Variants in LYPLAL1 observed in about 807,000 individuals in gnomAD.
LYPLAL1 encodes the protein lysophospholipase like 1.
Under a neutral mutation model 19.7 loss-of-function variants are expected in LYPLAL1, and 23 were observed. The ratio of observed to expected loss-of-function variants is 1.17; its 90% CI spans 0.84 to 1.65. The LOEUF (loss-of-function observed/expected upper bound fraction) is 1.65, where lower values mean the gene tolerates loss of function less well. Among genes scored for constraint, LYPLAL1 ranks in the 40% most tolerant of loss-of-function variants. The pLI, the probability that LYPLAL1 is intolerant of heterozygous loss-of-function variation, is 0.00. For synonymous variants in LYPLAL1, 119 were observed against 96.3 expected (o/e 1.24, Z -1.38); for missense variants, 355 against 279.4 (o/e 1.27, Z -1.93).
the LYPLAL1 span, among the ~76,000 whole-genome samples, chr1:219,311,285 C>T: frequency 6.6e-6 from 1 of 152,112 alleles, no homozygotes; most frequent in Admixed American, 6.6e-5. Flanking sequence ...GCAGCAATAT[C>T]ACCTGAAAAA....
the LYPLAL1 span, among the ~76,000 whole-genome samples, chr1:219,413,504 G>A: frequency 6.6e-6 from 1 of 151,844 alleles, no homozygotes; most frequent in Non-Finnish European, 1.5e-5. Context: ...GTAGGGAAAG[G>A]GAAATTCCTA....
At chr1:219,361,795 C>T in the LYPLAL1 span, among the ~76,000 whole-genome samples, 2 of 152,110 alleles carry the variant, frequency 1.3e-5, no homozygotes, top group African/African-American at 2.4e-5. Flanking sequence ...GGTAAAAGAA[C>T]TTGAGTCTTA....
the LYPLAL1 span, among the ~76,000 whole-genome samples, chr1:219,239,484 AT>A: frequency 6.6e-6 from 1 of 152,146 alleles, no homozygotes; most frequent in Non-Finnish European, 1.5e-5. Context: ...TGACAATGAA[AT>A]TTTCTTTATG....
chr1:219,262,791 G>A, the LYPLAL1 span, among the ~76,000 whole-genome samples: 5 of 152,170 alleles, frequency 3.3e-5, no homozygotes, highest in Admixed American at 1.3e-4. Flanking sequence ...TATGTTTAGC[G>A]TTTTGGTTTT....
At chr1:219,189,864 T>G (rs1211010158) in intron 2 of LYPLAL1, among the ~76,000 whole-genome samples, 2 of 151,656 alleles carry the variant, frequency 1.3e-5, no homozygotes, top group African/African-American at 4.8e-5. Context: ...AATTTTTTGA[T>G]AAATTTATTG....
At chr1:219,410,226 C>T in the LYPLAL1 span, 1 of 152,200 alleles carries the variant, frequency 6.6e-6, no homozygotes, top group Admixed American at 6.5e-5. Flanking sequence ...CATACATCTT[C>T]ACTGGAAAAT....
intron 3 of LYPLAL1, among the ~76,000 whole-genome samples, chr1:219,202,879 GTCTC>G (rs1658234651): frequency 1.3e-5 from 2 of 151,692 alleles, no homozygotes; most frequent in Non-Finnish European, 2.9e-5. Context: ...TAGAGATGGA[GTCTC>G]TCTATGTTGC....
At chr1:219,228,441 C>T in the LYPLAL1 span, among the ~76,000 whole-genome samples, 8 of 152,024 alleles carry the variant, frequency 5.3e-5, no homozygotes, top group Non-Finnish European at 1.2e-4. Flanking sequence ...GGAATTCCTG[C>T]GGCAATCTCC....
chr1:219,257,142 C>T, the LYPLAL1 span, among the ~76,000 whole-genome samples: 70,640 of 151,636 alleles, frequency 0.47, 16,814 homozygotes, highest in East Asian at 0.66. Context: ...TTGTAAAAAA[C>T]TGTGTTAAAG....
the LYPLAL1 span, among the ~76,000 whole-genome samples, chr1:219,258,561 C>T: frequency 6.6e-6 from 1 of 152,022 alleles, no homozygotes; most frequent in South Asian, 2.1e-4. Context: ...TAAATTTCAA[C>T]AATTCAAAAA....
the LYPLAL1 span, among the ~76,000 whole-genome samples, chr1:219,402,239 A>G: frequency 6.6e-6 from 1 of 152,180 alleles, no homozygotes; most frequent in Non-Finnish European, 1.5e-5. Flanking sequence ...TCATTGCTAT[A>G]AAAATCATTT....
chr1:219,207,645 A>G (rs1658678023), intron 3 of LYPLAL1, among the ~76,000 whole-genome samples: 1 of 152,058 alleles, frequency 6.6e-6, no homozygotes, highest in Non-Finnish European at 1.5e-5. Context: ...TGATGAATAA[A>G]ACACAAAAAT....
chr1:219,184,291 G>T (rs1485623512), intron 2 of LYPLAL1, among the ~76,000 whole-genome samples: 2 of 151,832 alleles, frequency 1.3e-5, no homozygotes, highest in Non-Finnish European at 2.9e-5. Context: ...TCATGTTATT[G>T]TAAATGGAAT....
At chr1:219,338,845 G>A in the LYPLAL1 span, among the ~76,000 whole-genome samples, 3 of 151,422 alleles carry the variant, frequency 2.0e-5, no homozygotes, top group Non-Finnish European at 4.4e-5. Context: ...TGAATTAAGT[G>A]CCATCATGGA....
chr1:219,410,814 G>T, the LYPLAL1 span, among the ~76,000 whole-genome samples: 1 of 152,246 alleles, frequency 6.6e-6, no homozygotes. Flanking sequence ...TGTGGAGGGT[G>T]TACTGAGTCC....
chr1:219,383,107 G>A, the LYPLAL1 span, among the ~76,000 whole-genome samples: 1 of 152,128 alleles, frequency 6.6e-6, no homozygotes, highest in East Asian at 1.9e-4. Flanking sequence ...CTCACTACGT[G>A]GTTCCATGTA....
chr1:219,352,776 A>G, the LYPLAL1 span, among the ~76,000 whole-genome samples: 1 of 152,152 alleles, frequency 6.6e-6, no homozygotes, highest in Admixed American at 6.5e-5. Context: ...CCACTAGCCC[A>G]GCTTAGGCTC....
the LYPLAL1 span, among the ~76,000 whole-genome samples, chr1:219,299,140 C>CTTTTTTTT: frequency 7.7e-6 from 1 of 129,494 alleles, no homozygotes; most frequent in Non-Finnish European, 1.6e-5. Context: ...CCTCCCCCAG[C>CTTTTTTTT]TTTTTTTTTT....
At chr1:219,370,354 T>C in the LYPLAL1 span, among the ~76,000 whole-genome samples, 2 of 152,218 alleles carry the variant, frequency 1.3e-5, no homozygotes, top group Non-Finnish European at 2.9e-5. Flanking sequence ...TGGCCCATGA[T>C]TGAGGTGACT....
Sources: allele counts gnomAD v4.1 joint callset (sites outside exome capture counted in the v4.1 genomes callset), GRCh38; gene constraint gnomAD v4.1.1; transcripts MANE v1.5; gene names NCBI Gene and HGNC (gene_info 2026-07-23, HGNC 2026-07-21).